Variants in HSD17B2 observed in about 807,000 individuals in gnomAD.
HSD17B2 encodes hydroxysteroid 17-beta dehydrogenase 2.
A neutral mutation model predicts 26.9 loss-of-function variants in HSD17B2; 32 were observed. That is an observed-to-expected ratio of 1.19 (90% CI 0.90 to 1.60). The LOEUF (loss-of-function observed/expected upper bound fraction) is 1.60. HSD17B2 is among the 40% of genes most tolerant of loss of function. The pLI, the probability that HSD17B2 is intolerant of heterozygous loss-of-function variation, is 0.00. For missense variants in HSD17B2, 613 were observed against 468.6 expected, an observed-to-expected ratio of 1.31 and a Z score of -2.85; for synonymous variants, 246 against 186.7, an observed-to-expected ratio of 1.32 and a Z score of -2.59.
intron 2 of HSD17B2, 46 bp downstream of exon 2, chr16:82,068,428 C>T: frequency 6.7e-7 from 1 of 1,497,650 alleles, no homozygotes; most frequent in Non-Finnish European, 9.1e-7. Context: ...CTCCTGAATG[C>T]CCAGCTCTTG....
Position 82,063,516 on chromosome 16 carries a change from G to A in HSD17B2, c.266-4654G>A, listed in dbSNP as rs61654022. ...GGTAAACACAAGCAGATGGTCTCCCGTGATCTTTGGCTTCATTAATTTACT... is the reference window on the plus strand; with the variant it reads ...GGTAAACACAAGCAGATGGTCTCCCATGATCTTTGGCTTCATTAATTTACT... On this transcript the variant is annotated intron_variant, in intron 1 of 4. Coordinates refer to ENST00000199936, the MANE Select transcript of HSD17B2 (RefSeq NM_002153.3). Among the ~76,000 whole-genome samples the A allele has an allele frequency of 5.2e-3, 788 of 152,118 alleles. 7 individuals are homozygous for A. The highest frequency in any genetic ancestry group is 0.018 in the African/African-American group (733 of 41,472).
At chr16:82,038,350 T>C (rs1036354802) in intron 1 of HSD17B2, among the ~76,000 whole-genome samples, 2 of 152,210 alleles carry the variant, frequency 1.3e-5, no homozygotes, top group African/African-American at 4.8e-5. Context: ...TATTTTATTT[T>C]ATTTCATTTT....
intron 4 of HSD17B2, chr16:82,097,340 T>C (rs905168697): frequency 1.4e-5 from 1 of 69,148 alleles, no homozygotes; most frequent in African/African-American, 4.0e-5. Context: ...ATATACACAT[T>C]ATATATGTGT....
At chr16:82,089,329 A>G (rs1904617630) in intron 3 of HSD17B2, among the ~76,000 whole-genome samples, 1 of 152,160 alleles carries the variant, frequency 6.6e-6, no homozygotes, top group African/African-American at 2.4e-5. Flanking sequence ...GTTGTGTTCC[A>G]TCATATGGCT....
At chr16:82,070,544 C>T (rs1914674492) in intron 2 of HSD17B2, among the ~76,000 whole-genome samples, 1 of 152,248 alleles carries the variant, frequency 6.6e-6, no homozygotes, top group African/African-American at 2.4e-5. Flanking sequence ...GCCCATGTGG[C>T]ATGCCCGTGA....
chr16:82,094,045 G>T (rs970516177), intron 4 of HSD17B2: 8 of 152,226 alleles, frequency 5.3e-5, no homozygotes, highest in African/African-American at 1.7e-4. Context: ...CACTGTTGTT[G>T]CCATCTTGAT....
intron 1 of HSD17B2, chr16:82,056,527 A>G (rs375634763): frequency 6.6e-6 from 1 of 152,312 alleles, no homozygotes; most frequent in African/African-American, 2.4e-5. Context: ...AAACGGATCT[A>G]TGCTGTTGTA....
intron 1 of HSD17B2, among the ~76,000 whole-genome samples, chr16:82,044,079 G>C (rs1027594843): frequency 6.6e-6 from 1 of 151,998 alleles, no homozygotes; most frequent in Non-Finnish European, 1.5e-5. Context: ...TTTCCAGAAC[G>C]TTCATCATTC....
At chr16:82,088,960 A>T (rs1021545014) in intron 3 of HSD17B2, among the ~76,000 whole-genome samples, 1 of 152,204 alleles carries the variant, frequency 6.6e-6, no homozygotes, top group Non-Finnish European at 1.5e-5. Flanking sequence ...GAGAGAAAGA[A>T]TAAATAAGCT....
intron 3 of HSD17B2, among the ~76,000 whole-genome samples, chr16:82,077,414 A>G (rs548427258): frequency 6.6e-6 from 1 of 152,334 alleles, no homozygotes; most frequent in African/African-American, 2.4e-5. Flanking sequence ...ACACCAGGGA[A>G]AGGACAGTCT....
rs772369950 is a variant in HSD17B2 at position 82,068,287 on chromosome 16, G to C, written c.383G>C (p.Cys128Ser). ...GPGAEELRRT[C>S]SPRLSVLQMD... ...GGAGCTGAGGAATTGCGAAGAACCT[G>C]CTCTCCGCGCCTCTCGGTGCTCCAA... Residue 128 changes from cysteine (C) to serine (S), a missense_variant, in exon 2 of 5, where the codon TGC becomes TCC. Coordinates refer to ENST00000199936, the MANE Select transcript of HSD17B2 (RefSeq NM_002153.3). 1.2e-6 allele frequency: 2 copies of C among 1,613,932 alleles called. No individual in the cohort carries two copies. The highest frequency in any genetic ancestry group is 2.7e-5 in the African/African-American group (2 of 74,872).
rs1374999506 is a variant in HSD17B2 at position 82,098,295 on chromosome 16, G to A, written c.1023G>A (p.Gly341=). ...AKSPFAYYTP[G]KGAYLWICLA... ...GCCCTTTTGCCTATTACACGCCAGG[G>A]AAAGGCGCTTACTTGTGGATCTGCC... Residue 341 remains glycine, a synonymous_variant, in exon 5 of 5, where the codon GGG becomes GGA. Coordinates refer to ENST00000199936, the MANE Select transcript of HSD17B2 (RefSeq NM_002153.3). 1 of 1,614,092 alleles carries A rather than the reference G, an allele frequency of 6.2e-7. No homozygotes were observed. The highest frequency in any genetic ancestry group is 1.3e-5 in the African/African-American group (1 of 74,948).
intron 1 of HSD17B2, among the ~76,000 whole-genome samples, chr16:82,039,916 G>C (rs1913724572): frequency 6.6e-6 from 1 of 152,158 alleles, no homozygotes; most frequent in Non-Finnish European, 1.5e-5. Flanking sequence ...ATCCCAGGCA[G>C]ACACAGGTCT....
intron 3 of HSD17B2, among the ~76,000 whole-genome samples, chr16:82,072,256 C>G (rs973063122): frequency 6.6e-6 from 1 of 152,086 alleles, no homozygotes; most frequent in Non-Finnish European, 1.5e-5. Flanking sequence ...GAAGTGTCCT[C>G]TAGGATGGTT....
At chr16:82,090,302 GTTTTTTTTTTTTTT>G (rs35272646) in intron 3 of HSD17B2, 2,348 of 40,048 alleles carry the variant, frequency 0.059, 47 homozygotes, top group Middle Eastern at 0.18. Context: ...AAACTACATT[GTTTTTTTTTTTTTT>G]TTTTTTTTTT....
intron 1 of HSD17B2, chr16:82,044,280 T>C (rs1004716601): frequency 5.3e-5 from 8 of 152,196 alleles, no homozygotes; most frequent in African/African-American, 1.7e-4. Flanking sequence ...GTGGGGTCAG[T>C]CCCTAAACAG....
At chr16:82,079,075 A>C (rs1052580577) in intron 3 of HSD17B2, among the ~76,000 whole-genome samples, 1 of 151,972 alleles carries the variant, frequency 6.6e-6, no homozygotes, top group African/African-American at 2.4e-5. Flanking sequence ...GGTGATGGAG[A>C]CTCCATTTGC....
intron 3 of HSD17B2, among the ~76,000 whole-genome samples, chr16:82,075,566 C>A (rs997523554): frequency 1.3e-5 from 2 of 152,046 alleles, no homozygotes; most frequent in African/African-American, 4.8e-5. Flanking sequence ...CTCAAAAGAT[C>A]ATTAGAGGCT....
At chr16:82,035,759 G>C (rs1217305970) in intron 1 of HSD17B2, 70 bp downstream of exon 1, 15 of 1,485,842 alleles carry the variant, frequency 1.0e-5, no homozygotes, top group Non-Finnish European at 1.3e-5. Flanking sequence ...GCAGGACTTT[G>C]TCAAATCTGG....
Sources: gnomAD v4.1 joint callset for allele counts (sites outside exome capture counted in the v4.1 genomes callset) on GRCh38, gnomAD v4.1.1 for gene constraint, MANE v1.5 for transcripts, NCBI Gene and HGNC (gene_info 2026-07-23, HGNC 2026-07-21) for gene names.